GIPC2: variants seen among roughly 807,000 people sequenced by gnomAD.
GIPC2 encodes the protein PDZ domain-containing protein GIPC2.
GIPC2 carries 30 observed loss-of-function variants against 30.6 expected under a neutral mutation model. The ratio of observed to expected loss-of-function variants is 0.98; its 90% CI spans 0.73 to 1.33. The LOEUF (loss-of-function observed/expected upper bound fraction) is 1.33. Ranked by LOEUF, GIPC2 falls within the 40% of genes most tolerant of loss-of-function variation. The probability of loss-of-function intolerance (pLI) is 0.00; values close to 1 mark genes in which losing one functional copy is unlikely to be tolerated. For synonymous variants in GIPC2, 167 were observed against 150.0 expected (o/e 1.11, Z -0.83); for missense variants, 414 against 390.3 (o/e 1.06, Z -0.51).
intron 2 of GIPC2, among the ~76,000 whole-genome samples, chr1:78,086,878 G>T (rs546027176): frequency 6.6e-6 from 1 of 151,990 alleles, no homozygotes; most frequent in Admixed American, 6.6e-5. Context: ...TTGGGTCTTG[G>T]TTCTTTATCC....
intron 5 of GIPC2, among the ~76,000 whole-genome samples, chr1:78,128,737 T>C (rs1353761278): frequency 6.6e-6 from 1 of 151,744 alleles, no homozygotes; most frequent in Non-Finnish European, 1.5e-5. Context: ...ATATTTGGCT[T>C]GAGGCCCTAA....
intron 1 of GIPC2, among the ~76,000 whole-genome samples, chr1:78,054,235 G>A (rs965455619): frequency 6.6e-6 from 1 of 152,170 alleles, no homozygotes; most frequent in Admixed American, 6.6e-5. Context: ...CATAGCATTT[G>A]CACATAAGAT....
chr1:78,098,497 A>G (rs922551095), intron 3 of GIPC2, among the ~76,000 whole-genome samples: 1 of 152,196 alleles, frequency 6.6e-6, no homozygotes, highest in African/African-American at 2.4e-5. Context: ...TAAATTATCT[A>G]TCTCACAAAT....
chr1:78,100,216 A>G (rs1273751527), intron 3 of GIPC2, among the ~76,000 whole-genome samples: 1 of 152,228 alleles, frequency 6.6e-6, no homozygotes, highest in Non-Finnish European at 1.5e-5. Context: ...GGAGGAATAG[A>G]TGGTGGTGTG....
chr1:78,076,886 A>G (rs1392536887), intron 1 of GIPC2, among the ~76,000 whole-genome samples: 1 of 151,972 alleles, frequency 6.6e-6, no homozygotes, highest in East Asian at 1.9e-4. Flanking sequence ...CTCCTGCCTC[A>G]GCCTCCTGAG....
chr1:78,135,803 A>T lies in GIPC2; in HGVS notation c.*60A>T. On this transcript the variant is annotated 3_prime_UTR_variant, in exon 6 of 6. Transcript: ENST00000370759. ...GTTCTTTTTTTTCTCTTTTTTAAAA[A>T]GTCCTATAAGATCTGTTTTTGGACA... 1 of 1,410,140 alleles carries T rather than the reference A, an allele frequency of 7.1e-7. No individual in the cohort carries two copies. Among genetic ancestry groups the T allele is most frequent in the Non-Finnish European group, 9.8e-7 (1 of 1,018,840 alleles). The allele number at this position is 1,410,140 out of a possible 1,614,324, so 87.4% of individuals were successfully genotyped here.
intron 5 of GIPC2, among the ~76,000 whole-genome samples, chr1:78,127,816 C>T (rs1304747653): frequency 1.3e-5 from 2 of 152,166 alleles, no homozygotes; most frequent in East Asian, 1.9e-4. Context: ...CAGCCTCCCA[C>T]GTAGCTAGGA....
intron 1 of GIPC2, among the ~76,000 whole-genome samples, chr1:78,077,444 T>C (rs1484528592): frequency 5.3e-5 from 8 of 152,150 alleles, no homozygotes; most frequent in Non-Finnish European, 1.0e-4. Flanking sequence ...GGGTACTCCA[T>C]CAGTTATGGA....
intron 5 of GIPC2, 76 bp from the exon 6 acceptor site, chr1:78,135,516 T>C (rs923772954): frequency 7.2e-6 from 6 of 829,470 alleles, no homozygotes; most frequent in African/African-American, 7.0e-5. Context: ...TAGCAAGTAA[T>C]TTTCCTGTTG....
chr1:78,075,473 G>C (rs907114024), intron 1 of GIPC2, among the ~76,000 whole-genome samples: 2 of 152,126 alleles, frequency 1.3e-5, no homozygotes, highest in Non-Finnish European at 2.9e-5. Context: ...ATAAGAGGTA[G>C]AGTGGGCTCC....
At chr1:78,118,384 G>A (rs558133480) in intron 3 of GIPC2, among the ~76,000 whole-genome samples, 7 of 139,984 alleles carry the variant, frequency 5.0e-5, no homozygotes, top group Non-Finnish European at 9.0e-5. Flanking sequence ...GCTATGCAGG[G>A]CTTATATTCC....
At chr1:78,071,505 C>T (rs1661617939) in intron 1 of GIPC2, among the ~76,000 whole-genome samples, 1 of 150,398 alleles carries the variant, frequency 6.6e-6, no homozygotes, top group Non-Finnish European at 1.5e-5. Flanking sequence ...CCTCTTCTTC[C>T]TCTTCCTCTC....
chr1:78,113,444 G>C (rs1662509054), intron 3 of GIPC2, among the ~76,000 whole-genome samples: 1 of 152,130 alleles, frequency 6.6e-6, no homozygotes. Flanking sequence ...CTGAAGTACA[G>C]TGGCGTGATC....
intron 3 of GIPC2, among the ~76,000 whole-genome samples, chr1:78,102,227 G>A (rs1404822243): frequency 6.6e-6 from 1 of 152,182 alleles, no homozygotes; most frequent in Non-Finnish European, 1.5e-5. Context: ...TCTGTGCGGT[G>A]TATCCATCAG....
chr1:78,093,430 CATT>C (rs1372535555), intron 2 of GIPC2, among the ~76,000 whole-genome samples: 1 of 152,128 alleles, frequency 6.6e-6, no homozygotes, highest in Non-Finnish European at 1.5e-5. Context: ...TTTAAATTGG[CATT>C]ATTGTGACAT....
rs1297737922 is a variant in GIPC2, at chr1:78,136,084, A to T, written c.*341A>T. 2 of 173,024 alleles carry T rather than the reference A, an allele frequency of 1.2e-5. No individual in the cohort carries two copies. The highest frequency in any genetic ancestry group is 1.3e-4 in the Admixed American group (2 of 15,770). 10.7% of individuals were successfully genotyped at this position (173,024 alleles called of 1,614,324 possible). A position where few individuals can be genotyped will look rare whatever the true frequency, so the allele number is the denominator to read the frequency against. On this transcript the variant is annotated 3_prime_UTR_variant, in exon 6 of 6. Coordinates refer to ENST00000370759, the MANE Select transcript of GIPC2 (RefSeq NM_017655.6). ...TTTCACATATAAATAGATGATTTCAATAGCTTTGTAGTTTTTTTTCAAAAT... is the reference window on the plus strand; with the variant it reads ...TTTCACATATAAATAGATGATTTCATTAGCTTTGTAGTTTTTTTTCAAAAT...
chr1:78,102,701 G>A (rs560524531), intron 3 of GIPC2, among the ~76,000 whole-genome samples: 2 of 152,328 alleles, frequency 1.3e-5, no homozygotes, highest in South Asian at 4.1e-4. Flanking sequence ...GAGCTGTTGT[G>A]AGGATTAAAT....
chr1:78,046,643 C>T (rs1661092930), intron 1 of GIPC2, among the ~76,000 whole-genome samples: 1 of 152,168 alleles, frequency 6.6e-6, no homozygotes, highest in Admixed American at 6.5e-5. Context: ...CGGATTCCGC[C>T]GGCCGTTCAA....
chr1:78,123,598 G>A (rs1369471088), intron 4 of GIPC2, among the ~76,000 whole-genome samples: 2 of 152,116 alleles, frequency 1.3e-5, no homozygotes, highest in Non-Finnish European at 2.9e-5. Flanking sequence ...ATTTGAGAGG[G>A]TGAAGACCAA....
Sources: allele counts gnomAD v4.1 joint callset (sites outside exome capture counted in the v4.1 genomes callset), GRCh38; gene constraint gnomAD v4.1.1; transcripts MANE v1.5; gene names NCBI Gene and HGNC (gene_info 2026-07-23, HGNC 2026-07-21).